CNTN5: variants seen among roughly 807,000 people sequenced by gnomAD.
CNTN5 encodes contactin 5, also known as contactin-5.
A neutral mutation model predicts 129.1 loss-of-function variants in CNTN5; 77 were observed. That is an observed-to-expected ratio of 0.60 (90% confidence interval 0.50 to 0.72). CNTN5 has a LOEUF of 0.72. Among genes scored for constraint, CNTN5 ranks in the 30% least tolerant of loss-of-function variants. The pLI, the probability that CNTN5 is intolerant of heterozygous loss-of-function variation, is 0.00. For synonymous variants in CNTN5, 509 were observed against 465.6 expected (o/e 1.09, Z -1.20); for missense variants, 1,478 against 1,328.8 (o/e 1.11, Z -1.75).
intron 2 of CNTN5, among the ~76,000 whole-genome samples, chr11:99,369,398 C>T (rs1267821803): frequency 6.6e-6 from 1 of 151,146 alleles, no homozygotes. Flanking sequence ...TTTGTAGTCA[C>T]TCTTAACCCT....
chr11:100,295,205 T>G (rs1354188310), intron 18 of CNTN5, among the ~76,000 whole-genome samples: 1 of 151,684 alleles, frequency 6.6e-6, no homozygotes, highest in African/African-American at 2.4e-5. Flanking sequence ...TTCTTTACAT[T>G]AAGTTGAAGA....
intron 2 of CNTN5, among the ~76,000 whole-genome samples, chr11:99,474,325 C>T (rs188833489): frequency 2.6e-5 from 4 of 152,156 alleles, no homozygotes; most frequent in African/African-American, 4.8e-5. Flanking sequence ...TACCCATCCT[C>T]TGCGTCTTCT....
chr11:99,285,107 C>T (rs1333532802), intron 1 of CNTN5, among the ~76,000 whole-genome samples: 1 of 151,984 alleles, frequency 6.6e-6, no homozygotes, highest in East Asian at 1.9e-4. Flanking sequence ...TGTGTGGTTT[C>T]CCCTGTCACC....
At chr11:100,096,656 T>TTA (rs1945021868) in intron 13 of CNTN5, among the ~76,000 whole-genome samples, 1 of 152,196 alleles carries the variant, frequency 6.6e-6, no homozygotes, top group South Asian at 2.1e-4. Flanking sequence ...TCCTAGTGAC[T>TTA]TATATCCAGT....
intron 15 of CNTN5, among the ~76,000 whole-genome samples, chr11:100,210,851 A>C (rs576309409): frequency 2.6e-5 from 4 of 152,338 alleles, no homozygotes; most frequent in South Asian, 2.1e-4. Flanking sequence ...CAACTTAACT[A>C]TATGGCTCGA....
chr11:99,658,143 C>T (rs1952449648), intron 3 of CNTN5, among the ~76,000 whole-genome samples: 1 of 151,764 alleles, frequency 6.6e-6, no homozygotes, highest in Non-Finnish European at 1.5e-5. Flanking sequence ...TGTGCAAACA[C>T]AAAAGCAAAA....
At chr11:100,043,545 A>G (rs901695206) in intron 9 of CNTN5, among the ~76,000 whole-genome samples, 19 of 152,182 alleles carry the variant, frequency 1.2e-4, no homozygotes, top group Non-Finnish European at 2.9e-5. Context: ...CTTTCCATAA[A>G]CTTGCAGTTG....
chr11:100,280,089 T>C (rs1451702649), intron 18 of CNTN5, among the ~76,000 whole-genome samples: 1 of 151,640 alleles, frequency 6.6e-6, no homozygotes. Context: ...GGAGCATTTT[T>C]TTTGTGACCT....
intron 6 of CNTN5, among the ~76,000 whole-genome samples, chr11:99,900,420 T>G (rs1949324765): frequency 6.6e-6 from 1 of 152,118 alleles, no homozygotes; most frequent in African/African-American, 2.4e-5. Flanking sequence ...TATTTCTGGA[T>G]TCAGTTTGAT....
At chr11:99,968,656 C>CTTTTTTTTT (rs71050037) in intron 8 of CNTN5, among the ~76,000 whole-genome samples, 19 of 73,910 alleles carry the variant, frequency 2.6e-4, no homozygotes, top group Middle Eastern at 0.011. Flanking sequence ...GCTTTGGGTA[C>CTTTTTTTTT]TTTTTTTTTT....
chr11:99,657,138 A>G (rs1952404006), intron 3 of CNTN5, among the ~76,000 whole-genome samples: 1 of 152,100 alleles, frequency 6.6e-6, no homozygotes, highest in African/African-American at 2.4e-5. Flanking sequence ...AACCTCCAAC[A>G]AAATCTATAC....
At chr11:100,022,254 A>G (rs745409580) in intron 9 of CNTN5, among the ~76,000 whole-genome samples, 3 of 152,182 alleles carry the variant, frequency 2.0e-5, no homozygotes, top group Non-Finnish European at 4.4e-5. Context: ...TTGAGTTTTC[A>G]TATTTAAAAT....
At position 100,288,780 on chromosome 11, in the gene CNTN5, G is replaced by C. The variant is rs561466934; in HGVS notation, c.2315-8845G>C. Among the ~76,000 whole-genome samples, 337 of 152,050 alleles carry C rather than the reference G, an allele frequency of 2.2e-3. 2 individuals carry two copies. Among genetic ancestry groups the C allele is most frequent in the African/African-American group, 7.9e-3 (328 of 41,476 alleles). ...AATCAGAGCAGAACTGAAGGAAATA[G>C]AGACACAAAAAACCCTTCCAAAAAT... On this transcript the variant is annotated intron_variant, in intron 18 of 24. Coordinates refer to ENST00000524871, the MANE Select transcript of CNTN5 (RefSeq NM_014361.4).
chr11:99,892,366 A>T (rs562048417), intron 6 of CNTN5, among the ~76,000 whole-genome samples: 1 of 152,166 alleles, frequency 6.6e-6, no homozygotes, highest in African/African-American at 2.4e-5. Context: ...TTTTGTTGCC[A>T]TTGCTTTTGG....
At chr11:99,456,474 T>A (rs930532948) in intron 2 of CNTN5, among the ~76,000 whole-genome samples, 28 of 152,098 alleles carry the variant, frequency 1.8e-4, no homozygotes, top group Non-Finnish European at 3.1e-4. Flanking sequence ...GAGAATAAAT[T>A]TTTCCCTTAT....
chr11:99,366,401 G>A (rs892188438), intron 2 of CNTN5, among the ~76,000 whole-genome samples: 14 of 152,078 alleles, frequency 9.2e-5, no homozygotes, highest in East Asian at 7.7e-4. Context: ...TACAACTCTC[G>A]AAATTGATTC....
intron 10 of CNTN5, among the ~76,000 whole-genome samples, chr11:100,064,503 TAAAAG>T (rs2137826315): frequency 6.6e-6 from 1 of 152,250 alleles, no homozygotes; most frequent in East Asian, 1.9e-4. Context: ...AAATAGGTCT[TAAAAG>T]TAATACTCAT....
At chr11:99,321,476 G>A (rs1432897882) in intron 1 of CNTN5, among the ~76,000 whole-genome samples, 1 of 151,882 alleles carries the variant, frequency 6.6e-6, no homozygotes, top group Non-Finnish European at 1.5e-5. Context: ...GGGTAATGTG[G>A]TATGTAATTA....
chr11:100,100,299 C>T (rs1185008758), intron 13 of CNTN5, among the ~76,000 whole-genome samples: 1 of 151,908 alleles, frequency 6.6e-6, no homozygotes, highest in Non-Finnish European at 1.5e-5. Context: ...AGAAAAATAC[C>T]AAACACATAA....
Sources: allele counts gnomAD v4.1 joint callset (sites outside exome capture counted in the v4.1 genomes callset), GRCh38; gene constraint gnomAD v4.1.1; transcripts MANE v1.5; gene names NCBI Gene and HGNC (gene_info 2026-07-23, HGNC 2026-07-21).